RBM26: variants seen among roughly 807,000 people sequenced by gnomAD.
RBM26 encodes the protein RNA-binding protein 26.
In RBM26, 30 loss-of-function variants were observed where a neutral mutation model predicts 123.6. The ratio of observed to expected loss-of-function variants is 0.24; its 90% confidence interval spans 0.18 to 0.33. RBM26 has a LOEUF of 0.33. Among genes scored for constraint, RBM26 ranks in the 10% least tolerant of loss-of-function variants. The pLI is 1.00. For synonymous variants in RBM26, 400 were observed against 404.4 expected (o/e 0.99, Z 0.13); for missense variants, 947 against 1,203.6 (o/e 0.79, Z 3.15).
At chr13:79,345,841 C>T (rs999067064) in intron 14 of RBM26, among the ~76,000 whole-genome samples, 2 of 151,602 alleles carry the variant, frequency 1.3e-5, no homozygotes, top group South Asian at 2.1e-4. Flanking sequence ...TTCTATACAA[C>T]GGTCAGCTCA....
Position 79,342,831 on chromosome 13 carries a change from T to A in RBM26, c.2260A>T (p.Met754Leu), listed in dbSNP as rs772812575. 1.9e-6 allele frequency: 3 copies of A among 1,573,668 alleles called. No homozygotes were observed. Among genetic ancestry groups the A allele is most frequent in the Non-Finnish European group, 2.6e-6 (3 of 1,156,998 alleles). Reference protein sequence around the residue: ...ILEKHIETQKMLISKLEKNKT... With the variant: ...ILEKHIETQKLLISKLEKNKT... Reference sequence around the variant, plus strand: ...TTTTTCTCCAGTTTTGAAATTAACATCTGCCAAATTTTTAAAAAGAGAAAA... The same window carrying A: ...TTTTTCTCCAGTTTTGAAATTAACAACTGCCAAATTTTTAAAAAGAGAAAA... Residue 754 changes from methionine (M) to leucine (L), a missense_variant and splice_region_variant, in exon 17 of 22, where the codon ATG becomes TTG. By Grantham distance (15) the Met-to-Leu change is conservative. Around this residue, in one of 5 missense-constraint regions of RBM26, gnomAD observed 493 missense variants for 563.1 expected, o/e 0.88. Coordinates refer to ENST00000438737, the MANE Select transcript of RBM26 (RefSeq NM_001366735.2).
At chr13:79,336,656 C>A (rs2070465320) in intron 19 of RBM26, among the ~76,000 whole-genome samples, 1 of 152,202 alleles carries the variant, frequency 6.6e-6, no homozygotes, top group African/African-American at 2.4e-5. Flanking sequence ...CATCCTGACA[C>A]TGACGGAGGC....
chr13:79,369,162 C>T (rs1373672465), intron 5 of RBM26, among the ~76,000 whole-genome samples, 172 bp from the exon 6 acceptor site: 2 of 151,830 alleles, frequency 1.3e-5, no homozygotes, highest in Admixed American at 6.6e-5. Flanking sequence ...AAAAGGTAAG[C>T]GATTTCTTTT....
chr13:79,378,153 G>C (rs556092466), intron 2 of RBM26, among the ~76,000 whole-genome samples: 1 of 152,184 alleles, frequency 6.6e-6, no homozygotes, highest in Non-Finnish European at 1.5e-5. Context: ...TCTAGATGTG[G>C]CAAGGTACAA....
chr13:79,364,660 C>T (rs1480748284), intron 9 of RBM26, among the ~76,000 whole-genome samples: 12 of 148,322 alleles, frequency 8.1e-5, no homozygotes, highest in Non-Finnish European at 2.9e-5. Context: ...TATTAGTTTA[C>T]ATTTACATCT....
chr13:79,398,669 G>A (rs1350539422), intron 1 of RBM26, among the ~76,000 whole-genome samples: 1 of 151,836 alleles, frequency 6.6e-6, no homozygotes, highest in African/African-American at 2.4e-5. Context: ...ACTTTAACAA[G>A]TAAATATTAA....
chr13:79,314,507 T>C (rs1011970298), downstream of RBM26: 11 of 151,938 alleles, frequency 7.2e-5, no homozygotes, highest in Admixed American at 5.3e-4. Context: ...TTCAAAATTA[T>C]TTTCAGTGGC....
At chr13:79,314,913 TG>T, downstream of RBM26, 3 of 1,056,150 alleles carry the variant, frequency 2.8e-6, no homozygotes, top group Non-Finnish European at 3.9e-6. Context: ...ATGATATTAT[TG>T]TAACAGTCGT....
In RBM26 at chr13:79,368,862, T is replaced by C; in HGVS notation, c.763A>G (p.Ile255Val). ...HYPVPTLSST[I>V]TVIAPTHHGN... The stretch of plus-strand genomic sequence containing the variant: ...TGATGAGTAGGAGCAATTACTGTAA[T>C]AGTGCTGCTCAAAGTAGGTACAGGG... Residue 255 changes from isoleucine to valine, a missense_variant, in exon 6 of 22, where the codon ATT (isoleucine) becomes GTT (valine). Transcript: ENST00000438737. 1.2e-6 allele frequency: 2 copies of C among 1,613,892 alleles called. No homozygotes were observed. Among genetic ancestry groups the C allele is most frequent in the Non-Finnish European group, 8.5e-7 (1 of 1,179,842 alleles).
At chr13:79,359,767 GA>G in intron 9 of RBM26, 81 bp from the exon 10 acceptor site, 1 of 494,690 alleles carries the variant, frequency 2.0e-6, no homozygotes, top group Non-Finnish European at 3.3e-6. Flanking sequence ...CCTCATACAG[GA>G]AAATTTCTGG....
chr13:79,372,873 AATAT>A (rs1474055329), intron 3 of RBM26, among the ~76,000 whole-genome samples: 6 of 27,630 alleles, frequency 2.2e-4, no homozygotes, highest in East Asian at 2.8e-3. Flanking sequence ...ATATATTTAT[AATAT>A]TTTATATGCT....
At chr13:79,354,723 A>G (rs1357718746) in intron 12 of RBM26, among the ~76,000 whole-genome samples, 153 bp from the exon 13 acceptor site, 1 of 152,262 alleles carries the variant, frequency 6.6e-6, no homozygotes, top group Non-Finnish European at 1.5e-5. Flanking sequence ...TCATCCACAC[A>G]TATACAAAGA....
intron 1 of RBM26, among the ~76,000 whole-genome samples, chr13:79,383,174 T>C (rs1003373703): frequency 2.2e-4 from 33 of 151,982 alleles, no homozygotes; most frequent in Admixed American, 1.4e-3. Context: ...GTTTCAAGCA[T>C]AGGCTGAACA....
chr13:79,375,866 CACA>C lies in RBM26; in HGVS notation c.327+1510_327+1512del, dbSNP rs555184890. On this transcript the variant is annotated intron_variant, in intron 3 of 21. Transcript: ENST00000438737. ...AAAGCATAAAAGGAGAAAAAAAGGTCACAACATCAACATCTCTTACAATCTCAA... is the reference window on the plus strand; with the variant it reads ...AAAGCATAAAAGGAGAAAAAAAGGTCACATCAACATCTCTTACAATCTCAA... Among the ~76,000 whole-genome samples, 30 of 151,828 alleles carry C rather than the reference CACA, an allele frequency of 2.0e-4. 1 individual carries two copies. In the South Asian group the frequency reaches 6.3e-3, roughly 32 times the overall value.
intron 20 of RBM26, among the ~76,000 whole-genome samples, chr13:79,329,315 A>G (rs1408657): frequency 0.5 from 76,136 of 151,312 alleles, 19,501 homozygotes; most frequent in Middle Eastern, 0.59. Context: ...TTCTTTATAC[A>G]TGTGTATATA....
At chr13:79,404,016 T>C (rs748018689) in intron 1 of RBM26, among the ~76,000 whole-genome samples, 30 of 152,318 alleles carry the variant, frequency 2.0e-4, no homozygotes, top group Non-Finnish European at 4.0e-4. Context: ...TACACACTTT[T>C]TCTATGAAAT....
intron 1 of RBM26, among the ~76,000 whole-genome samples, chr13:79,380,872 C>G (rs957253761): frequency 6.6e-6 from 1 of 152,030 alleles, no homozygotes; most frequent in African/African-American, 2.4e-5. Flanking sequence ...TAACATACAG[C>G]ATTAATCTTT....
exon 5 of RBM26, chr13:79,313,023 A>C (rs1366674049): frequency 1.3e-5 from 2 of 151,906 alleles, no homozygotes; most frequent in Non-Finnish European, 2.9e-5. Context: ...CTATTAAAAA[A>C]ACAAATATAG....
At chr13:79,345,165 G>A (rs188385885) in intron 14 of RBM26, among the ~76,000 whole-genome samples, 2 of 152,206 alleles carry the variant, frequency 1.3e-5, no homozygotes, top group East Asian at 3.9e-4. Flanking sequence ...TGGCACAGGA[G>A]GAAACTGGTT....
Sources: allele counts gnomAD v4.1 joint callset (sites outside exome capture counted in the v4.1 genomes callset), GRCh38; gene constraint gnomAD v4.1.1; regional missense constraint gnomAD v4.1.1; transcripts MANE v1.5; gene names NCBI Gene and HGNC (gene_info 2026-07-23, HGNC 2026-07-21).